STARD13: variants seen among roughly 807,000 people sequenced by gnomAD.
STARD13 encodes stAR-related lipid transfer protein 13.
A neutral mutation model predicts 106.4 loss-of-function variants in STARD13; 62 were observed. The observed-to-expected ratio is 0.58, with a 90% confidence interval of 0.48 to 0.72. STARD13 has a LOEUF of 0.72. STARD13 is among the 30% of genes least tolerant of loss of function. The pLI is 0.00. For missense variants in STARD13, 1,387 were observed against 1,424.0 expected, an observed-to-expected ratio of 0.97 and a Z score of 0.42; for synonymous variants, 565 against 553.0, an observed-to-expected ratio of 1.02 and a Z score of -0.31.
At chr13:33,413,862 A>G in the STARD13 span, among the ~76,000 whole-genome samples, 24,300 of 151,504 alleles carry the variant, frequency 0.16, 4,453 homozygotes, top group East Asian at 0.43. Context: ...TAAAACCCCC[A>G]TCTCTACCAA....
chr13:33,544,770 CTTTTTTTTTT>C, the STARD13 span, among the ~76,000 whole-genome samples: 2 of 108,714 alleles, frequency 1.8e-5, no homozygotes, highest in Non-Finnish European at 3.6e-5. Flanking sequence ...TGTTTTTTCT[CTTTTTTTTTT>C]TTTTTTTTTT....
the STARD13 span, among the ~76,000 whole-genome samples, chr13:33,439,441 T>C: frequency 1.3e-4 from 20 of 152,242 alleles, no homozygotes; most frequent in African/African-American, 4.8e-4. Flanking sequence ...CTTCTTTCTG[T>C]GTAAAATCAA....
chr13:33,228,472 G>T (rs1389212142), intron 1 of STARD13, among the ~76,000 whole-genome samples: 2 of 151,586 alleles, frequency 1.3e-5, no homozygotes, highest in African/African-American at 4.9e-5. Flanking sequence ...TTGAGCTCCT[G>T]TTATAAAACA....
At chr13:33,134,367 T>C (rs1025045855) in intron 4 of STARD13, among the ~76,000 whole-genome samples, 1 of 152,242 alleles carries the variant, frequency 6.6e-6, no homozygotes, top group African/African-American at 2.4e-5. Flanking sequence ...CTGGGCCACA[T>C]ATAGCCCGTG....
At chr13:33,304,145 G>A (rs1408770670) in intron 1 of STARD13, among the ~76,000 whole-genome samples, 1 of 152,236 alleles carries the variant, frequency 6.6e-6, no homozygotes, top group Non-Finnish European at 1.5e-5. Context: ...CACACCACAG[G>A]CCGAAGGCCC....
chr13:33,307,776 A>G (rs1413120406), intron 1 of STARD13, among the ~76,000 whole-genome samples: 1 of 152,228 alleles, frequency 6.6e-6, no homozygotes, highest in Non-Finnish European at 1.5e-5. Context: ...TACCCATATA[A>G]CAAATCTACA....
the STARD13 span, among the ~76,000 whole-genome samples, chr13:33,424,772 A>G: frequency 2.0e-5 from 3 of 152,210 alleles, no homozygotes; most frequent in Non-Finnish European, 4.4e-5. Context: ...CGGTAGTGGT[A>G]GGCATGTATT....
At chr13:33,134,865 T>G (rs1277080102) in intron 4 of STARD13, among the ~76,000 whole-genome samples, 1 of 152,230 alleles carries the variant, frequency 6.6e-6, no homozygotes, top group African/African-American at 2.4e-5. Flanking sequence ...ACGAACATAG[T>G]TCAACAGCCC....
chr13:33,545,297 G>A, the STARD13 span, among the ~76,000 whole-genome samples: 204 of 151,952 alleles, frequency 1.3e-3, no homozygotes, highest in African/African-American at 4.5e-3. Context: ...GGGTTTCACC[G>A]TGTTAGCCAG....
At chr13:33,635,534 C>T in the STARD13 span, among the ~76,000 whole-genome samples, 1 of 151,894 alleles carries the variant, frequency 6.6e-6, no homozygotes, top group African/African-American at 2.4e-5. Flanking sequence ...GTGGTGGGCG[C>T]CTGTAGTCCC....
chr13:33,459,533 T>G, the STARD13 span, among the ~76,000 whole-genome samples: 1 of 152,200 alleles, frequency 6.6e-6, no homozygotes, highest in African/African-American at 2.4e-5. Context: ...GTTTCTAGGT[T>G]TTTGCTATTA....
rs539712775 is a variant in STARD13 at position 33,319,053 on chromosome 13, A to C, written c.124+31237T>G. Among the ~76,000 whole-genome samples, 9 of 152,294 alleles carry C rather than the reference A, an allele frequency of 5.9e-5. No homozygotes were observed. In the East Asian group the frequency reaches 1.7e-3, roughly 29 times the overall value. On this transcript the variant is annotated intron_variant, in intron 1 of 5. Coordinates refer to the STARD13 transcript ENST00000567873. The stretch of plus-strand genomic sequence containing the variant: ...CAAGCAATTCCACTCATAGATCTAC[A>C]CCCAAGAAAATTAAAAACATTTGTT...
the STARD13 span, among the ~76,000 whole-genome samples, chr13:33,528,245 T>TAC: frequency 2.4e-5 from 3 of 124,174 alleles, no homozygotes; most frequent in African/African-American, 1.1e-4. Flanking sequence ...TATATATACA[T>TAC]ATATATATAT....
At chr13:33,518,768 G>A in the STARD13 span, among the ~76,000 whole-genome samples, 1 of 152,132 alleles carries the variant, frequency 6.6e-6, no homozygotes, top group Non-Finnish European at 1.5e-5. Flanking sequence ...TTTATGGCCA[G>A]AATTCACAGT....
intron 4 of STARD13, among the ~76,000 whole-genome samples, chr13:33,136,854 G>A (rs891419119): frequency 1.3e-5 from 2 of 152,216 alleles, no homozygotes; most frequent in East Asian, 1.9e-4. Context: ...CAGTGGGGTC[G>A]AAAGGGGTTG....
the STARD13 span, among the ~76,000 whole-genome samples, chr13:33,502,416 A>G: frequency 6.6e-6 from 1 of 152,154 alleles, no homozygotes; most frequent in Admixed American, 6.5e-5. Flanking sequence ...AACTTACAAC[A>G]CTATGTTGAA....
chr13:33,266,157 C>T (rs1442589954), intron 1 of STARD13, among the ~76,000 whole-genome samples: 1 of 152,184 alleles, frequency 6.6e-6, no homozygotes, highest in African/African-American at 2.4e-5. Context: ...CTTGGGTTCA[C>T]CTCCTGGCTC....
chr13:33,415,308 C>T, the STARD13 span, among the ~76,000 whole-genome samples: 1 of 152,148 alleles, frequency 6.6e-6, no homozygotes, highest in African/African-American at 2.4e-5. Context: ...GCGGAGCTTG[C>T]AGTGAGCTGA....
chr13:33,248,706 T>C (rs929070896), intron 1 of STARD13, among the ~76,000 whole-genome samples: 3 of 152,236 alleles, frequency 2.0e-5, no homozygotes, highest in Non-Finnish European at 4.4e-5. Context: ...CATATTTTGA[T>C]TTTTCTTCTT....
Sources: allele counts gnomAD v4.1 joint callset (sites outside exome capture counted in the v4.1 genomes callset), GRCh38; gene constraint gnomAD v4.1.1; transcripts MANE v1.5; gene names NCBI Gene and HGNC (gene_info 2026-07-23, HGNC 2026-07-21).